The following LEKR1 variants were observed in gnomAD, a reference collection of about 807,000 sequenced individuals.
LEKR1 encodes the protein leucine, glutamate and lysine rich 1, also known as protein LEKR1.
LEKR1 carries 59 observed loss-of-function variants against 72.4 expected under a neutral mutation model. The observed-to-expected ratio is 0.82, with a 90% CI of 0.66 to 1.01. LEKR1 has a LOEUF of 1.01. Among genes scored for constraint, LEKR1 ranks in the 50% least tolerant of loss-of-function variants. The pLI, the probability that LEKR1 is intolerant of heterozygous loss-of-function variation, is 0.00. For synonymous variants in LEKR1, 257 were observed against 263.2 expected (o/e 0.98, Z 0.23); for missense variants, 728 against 759.2 (o/e 0.96, Z 0.48).
intron 3 of LEKR1, among the ~76,000 whole-genome samples, chr3:156,877,108 G>T (rs865920996): frequency 3.8e-4 from 58 of 152,062 alleles, no homozygotes; most frequent in African/African-American, 9.4e-4. Context: ...CTATTTATGT[G>T]ATCACATGTA....
intron 2 of LEKR1, among the ~76,000 whole-genome samples, chr3:156,845,369 T>C (rs1714460637): frequency 1.3e-5 from 2 of 152,046 alleles, no homozygotes; most frequent in Non-Finnish European, 2.9e-5. Context: ...ATTTTCCATT[T>C]ATGAATCATG....
At chr3:156,931,858 G>C (rs149804877) in intron 5 of LEKR1, among the ~76,000 whole-genome samples, 188 of 152,208 alleles carry the variant, frequency 1.2e-3, no homozygotes, top group African/African-American at 4.3e-3. Context: ...AAGCACAAAG[G>C]CACTTTCTTT....
In LEKR1 at chr3:156,920,614, T is replaced by G. The variant is rs745399723; in HGVS notation, c.303T>G (p.Asn101Lys). The G allele has an allele frequency of 6.8e-7, 1 of 1,470,754 alleles. No homozygotes were observed. Among genetic ancestry groups the G allele is most frequent in the South Asian group, 1.3e-5 (1 of 79,088 alleles). 91.1% of individuals were successfully genotyped at this position (1,470,754 alleles called of 1,614,324 possible). The change falls in exon 4 of 13, where the codon AAT becomes AAG. Residue 101 changes from asparagine (N) to lysine (K), a missense_variant. Physicochemically the swap from Asn to Lys is moderately conservative, Grantham distance 94. Coordinates refer to ENST00000356539, the MANE Select transcript of LEKR1 (RefSeq NM_001004316.3). ...DVGMQLKSQQ[N>K]EFQKVKKQLS... ...GCATGCAGTTAAAAAGTCAACAAAA[T>G]GAATTTCAGAAAGTAAAGAAACAAC...
Position 157,031,632 on chromosome 3 carries a change from C to T in LEKR1, c.1668+3230C>T, listed in dbSNP as rs1362265039. 1.4e-3 allele frequency among the ~76,000 whole-genome samples: 212 copies of T among 152,176 alleles called. 1 individual carries two copies. Among genetic ancestry groups the T allele is most frequent in the Non-Finnish European group, 1.9e-4 (13 of 67,984 alleles). On this transcript the variant is annotated intron_variant, in intron 12 of 12. Transcript: ENST00000356539. ...GCCATAGCATGTAAAGTGAAAAGCA[C>T]CACTTTTTTTGAAAATGCATTCCAG...
At chr3:156,857,847 T>C (rs979070745) in intron 3 of LEKR1, among the ~76,000 whole-genome samples, 1 of 152,226 alleles carries the variant, frequency 6.6e-6, no homozygotes, top group African/African-American at 2.4e-5. Flanking sequence ...TATAGTTTTC[T>C]TGTGGCATAC....
At chr3:156,947,736 G>C (rs1461748924) in intron 6 of LEKR1, among the ~76,000 whole-genome samples, 2 of 151,060 alleles carry the variant, frequency 1.3e-5, no homozygotes, top group Non-Finnish European at 3.0e-5. Flanking sequence ...ACTATATTCT[G>C]TCTTCTGTTC....
chr3:156,992,627 T>A (rs772280809), intron 7 of LEKR1, 26 bp from the exon 8 acceptor site: 1 of 469,148 alleles, frequency 2.1e-6, no homozygotes, highest in Non-Finnish European at 3.2e-6. Flanking sequence ...AAATAATATA[T>A]TTTAACTTCT....
chr3:157,000,042 A>G (rs1211935352), intron 9 of LEKR1, among the ~76,000 whole-genome samples: 2 of 152,142 alleles, frequency 1.3e-5, no homozygotes, highest in South Asian at 2.1e-4. Context: ...TTTCTGAACC[A>G]TGTTGTAACA....
intron 10 of LEKR1, among the ~76,000 whole-genome samples, chr3:157,022,512 T>C (rs1733915111): frequency 6.6e-6 from 1 of 151,804 alleles, no homozygotes; most frequent in South Asian, 2.1e-4. Flanking sequence ...TTGTGTTGGA[T>C]TGGGTGGGGA....
intron 6 of LEKR1, among the ~76,000 whole-genome samples, chr3:156,967,357 AAAG>A (rs1362491572): frequency 6.6e-6 from 1 of 152,172 alleles, no homozygotes; most frequent in African/African-American, 2.4e-5. Flanking sequence ...AACCCATGGC[AAAG>A]AAGTTAAAAA....
intron 5 of LEKR1, among the ~76,000 whole-genome samples, chr3:156,935,444 C>T (rs1725605443): frequency 6.6e-6 from 1 of 152,142 alleles, no homozygotes; most frequent in Non-Finnish European, 1.5e-5. Flanking sequence ...ATGTGTAAAA[C>T]TTTAAAGGTG....
At chr3:156,944,700 T>C (rs76865975) in intron 6 of LEKR1, among the ~76,000 whole-genome samples, 1 of 151,814 alleles carries the variant, frequency 6.6e-6, no homozygotes, top group East Asian at 1.9e-4. Flanking sequence ...TTATTTCATT[T>C]AACATAATGA....
At chr3:156,963,523 T>A (rs1256950373) in intron 6 of LEKR1, among the ~76,000 whole-genome samples, 1 of 152,140 alleles carries the variant, frequency 6.6e-6, no homozygotes, top group African/African-American at 2.4e-5. Context: ...TCTTGCCCAA[T>A]GTCTCTTACC....
chr3:156,830,535 T>G (rs1712238580), intron 2 of LEKR1, among the ~76,000 whole-genome samples: 1 of 152,154 alleles, frequency 6.6e-6, no homozygotes, highest in African/African-American at 2.4e-5. Context: ...TAAAGGAAAT[T>G]TATGATGTTG....
intron 3 of LEKR1, among the ~76,000 whole-genome samples, chr3:156,873,500 TC>T (rs1162575871): frequency 1.3e-5 from 2 of 152,100 alleles, no homozygotes; most frequent in Non-Finnish European, 2.9e-5. Flanking sequence ...CTTTCTCCCT[TC>T]TTGTTTATCA....
intron 3 of LEKR1, among the ~76,000 whole-genome samples, chr3:156,880,701 A>G (rs1234674707): frequency 6.6e-6 from 1 of 152,238 alleles, no homozygotes; most frequent in Non-Finnish European, 1.5e-5. Flanking sequence ...CAACCAAAAA[A>G]GAGAATTTTA....
intron 2 of LEKR1, among the ~76,000 whole-genome samples, chr3:156,841,619 GTATT>G (rs1298522901): frequency 2.0e-5 from 3 of 152,156 alleles, no homozygotes; most frequent in Non-Finnish European, 2.9e-5. Flanking sequence ...TATACAACAA[GTATT>G]TATTATGCCT....
At chr3:156,928,062 A>G (rs534008964) in intron 5 of LEKR1, among the ~76,000 whole-genome samples, 2 of 152,190 alleles carry the variant, frequency 1.3e-5, no homozygotes, top group South Asian at 2.1e-4. Flanking sequence ...GCTACGTACT[A>G]TATTATTCCA....
chr3:156,989,876 T>C (rs1275276478), intron 7 of LEKR1, among the ~76,000 whole-genome samples: 1 of 152,052 alleles, frequency 6.6e-6, no homozygotes, highest in African/African-American at 2.4e-5. Context: ...CTGAACCGTT[T>C]TGAGGATAAG....
Sources: gnomAD v4.1 joint callset for allele counts (sites outside exome capture counted in the v4.1 genomes callset) on GRCh38, gnomAD v4.1.1 for gene constraint, MANE v1.5 for transcripts, NCBI Gene and HGNC (gene_info 2026-07-23, HGNC 2026-07-21) for gene names.